Variants in SMCHD1 observed in about 807,000 individuals in gnomAD.
SMCHD1 encodes the protein structural maintenance of chromosomes flexible hinge domain containing 1, also known as structural maintenance of chromosomes flexible hinge domain-containing protein 1.
SMCHD1 carries 78 observed loss-of-function variants against 254.7 expected under a neutral mutation model. That is an observed-to-expected ratio of 0.31 (90% CI 0.26 to 0.37). The LOEUF is 0.37. SMCHD1 is among the 10% of genes least tolerant of loss of function. The pLI is 1.00. For missense variants in SMCHD1, 1,840 were observed against 2,408.1 expected (o/e 0.76, Z 4.94); for synonymous variants, 766 against 794.9 (o/e 0.96, Z 0.61).
chr18:2,669,143 T>C (rs965072900), intron 3 of SMCHD1, among the ~76,000 whole-genome samples: 4 of 145,728 alleles, frequency 2.7e-5, no homozygotes, highest in East Asian at 1.9e-4. Flanking sequence ...ACCAGGACTT[T>C]AGGACCGGCC....
chr18:2,704,754 C>G (rs766135012), intron 13 of SMCHD1, among the ~76,000 whole-genome samples: 1 of 151,962 alleles, frequency 6.6e-6, no homozygotes, highest in Non-Finnish European at 1.5e-5. Flanking sequence ...GTAGAAGGCT[C>G]TCTGTTCTCT....
intron 5 of SMCHD1, among the ~76,000 whole-genome samples, chr18:2,675,280 T>TTTC (rs1450348076): frequency 7.7e-4 from 115 of 149,648 alleles, no homozygotes; most frequent in Middle Eastern, 3.5e-3. Context: ...TTTTTTTTTT[T>TTTC]TGGAGACAGA....
At chr18:2,701,462 A>G (rs964828602) in intron 12 of SMCHD1, among the ~76,000 whole-genome samples, 2 of 152,164 alleles carry the variant, frequency 1.3e-5, no homozygotes, top group Non-Finnish European at 2.9e-5. Flanking sequence ...CACCCAGCCA[A>G]GATCTTAATA....
At chr18:2,753,350 A>G (rs566083870) in intron 34 of SMCHD1, among the ~76,000 whole-genome samples, 1 of 152,364 alleles carries the variant, frequency 6.6e-6, no homozygotes, top group Non-Finnish European at 1.5e-5. Flanking sequence ...GTGTGAACAC[A>G]CTACTATTTT....
intron 35 of SMCHD1, among the ~76,000 whole-genome samples, chr18:2,761,544 C>CA (rs1476470272): frequency 6.6e-6 from 1 of 152,140 alleles, no homozygotes; most frequent in African/African-American, 2.4e-5. Flanking sequence ...AGGCTGGGTG[C>CA]AGTGGCTCAC....
chr18:2,743,388 C>T (rs1414070307), intron 28 of SMCHD1, among the ~76,000 whole-genome samples: 1 of 142,882 alleles, frequency 7.0e-6, no homozygotes, highest in Non-Finnish European at 1.5e-5. Context: ...GTATCATGTA[C>T]AAAAATCTAA....
intron 17 of SMCHD1, among the ~76,000 whole-genome samples, chr18:2,716,583 C>T (rs1263463730): frequency 6.6e-6 from 1 of 152,162 alleles, no homozygotes; most frequent in Non-Finnish European, 1.5e-5. Context: ...TGCATTCTGG[C>T]CACCCCAACA....
intron 10 of SMCHD1, 121 bp downstream of exon 10, chr18:2,698,162 T>C (rs1057297273): frequency 1.1e-5 from 8 of 722,992 alleles, no homozygotes; most frequent in Non-Finnish European, 1.7e-5. Context: ...TTTTTTCTTA[T>C]GCAAGTCTTA....
chr18:2,692,821 G>C (rs1439493976), intron 7 of SMCHD1, among the ~76,000 whole-genome samples: 1 of 152,156 alleles, frequency 6.6e-6, no homozygotes, highest in Non-Finnish European at 1.5e-5. Context: ...CTACCAGATG[G>C]AATTTGTAGA....
At chr18:2,695,879 T>C (rs982271712) in intron 8 of SMCHD1, among the ~76,000 whole-genome samples, 4 of 152,218 alleles carry the variant, frequency 2.6e-5, no homozygotes, top group African/African-American at 9.6e-5. Context: ...TGAAGTTGTT[T>C]ATTATCCCTG....
intron 17 of SMCHD1, among the ~76,000 whole-genome samples, chr18:2,708,514 A>G: frequency 6.6e-6 from 1 of 151,982 alleles, no homozygotes; most frequent in African/African-American, 2.4e-5. Context: ...CTGGGTGGTA[A>G]AGTAAGACCC....
intron 28 of SMCHD1, 34 bp from the exon 29 acceptor site, chr18:2,743,727 C>A (rs1025493820): frequency 4.5e-5 from 68 of 1,525,528 alleles, no homozygotes; most frequent in Non-Finnish European, 5.9e-5. Context: ...TAAGTGATAC[C>A]CCCTGTCTTT....
At chr18:2,705,274 A>G (rs2074488041) in intron 13 of SMCHD1, among the ~76,000 whole-genome samples, 1 of 152,210 alleles carries the variant, frequency 6.6e-6, no homozygotes, top group East Asian at 1.9e-4. Context: ...AGTAAGGAGA[A>G]GAAATATGAT....
intron 5 of SMCHD1, among the ~76,000 whole-genome samples, chr18:2,678,832 T>TG (rs2073842536): frequency 6.1e-5 from 1 of 16,308 alleles, no homozygotes; most frequent in African/African-American, 7.3e-5. Context: ...GTTTTTTTTT[T>TG]TTTTTTGTTT....
intron 37 of SMCHD1, among the ~76,000 whole-genome samples, chr18:2,767,000 C>T (rs1464192635): frequency 3.3e-5 from 5 of 152,104 alleles, no homozygotes; most frequent in African/African-American, 1.2e-4. Flanking sequence ...TAGCTCATGC[C>T]TATAACCTTA....
chr18:2,783,580 C>CTT (rs538168484), intron 44 of SMCHD1, among the ~76,000 whole-genome samples: 2 of 147,424 alleles, frequency 1.4e-5, no homozygotes, highest in Non-Finnish European at 3.0e-5. Flanking sequence ...GAATTTCTTT[C>CTT]TTTTTTTTTT....
chr18:2,702,757 C>T (rs1394102448), intron 12 of SMCHD1, among the ~76,000 whole-genome samples: 1 of 152,154 alleles, frequency 6.6e-6, no homozygotes, highest in African/African-American at 2.4e-5. Context: ...AAGATAGTAT[C>T]CTTCTTGACA....
intron 41 of SMCHD1, among the ~76,000 whole-genome samples, chr18:2,772,696 CTG>C (rs759782044): frequency 2.6e-5 from 4 of 152,196 alleles, no homozygotes; most frequent in Non-Finnish European, 2.9e-5. Context: ...GATGGTAAGA[CTG>C]TGGCTCGCTG....
intron 5 of SMCHD1, among the ~76,000 whole-genome samples, chr18:2,680,729 C>T (rs2073905302): frequency 6.6e-6 from 1 of 152,140 alleles, no homozygotes; most frequent in African/African-American, 2.4e-5. Context: ...TCGCATTTCC[C>T]AGCTTTTCCT....
Sources: gnomAD v4.1 joint callset for allele counts (sites outside exome capture counted in the v4.1 genomes callset) on GRCh38, gnomAD v4.1.1 for gene constraint, MANE v1.5 for transcripts, NCBI Gene and HGNC (gene_info 2026-07-23, HGNC 2026-07-21) for gene names.